The following SLC14A2 variants were observed in gnomAD, a reference collection of about 807,000 sequenced individuals.
SLC14A2 encodes the protein urea transporter 2.
A neutral mutation model predicts 104.6 loss-of-function variants in SLC14A2; 91 were observed. That is an observed-to-expected ratio of 0.87 (90% CI 0.73 to 1.04). The LOEUF is 1.04. SLC14A2 is among the 50% of genes least tolerant of loss of function. The probability of loss-of-function intolerance (pLI) is 0.00; values close to 1 mark genes in which losing one functional copy is unlikely to be tolerated. For synonymous variants in SLC14A2, 476 were observed against 466.4 expected (o/e 1.02, Z -0.27); for missense variants, 1,189 against 1,156.0 (o/e 1.03, Z -0.41).
At chr18:45,285,636 T>A (rs1166233433) in intron 1 of SLC14A2, among the ~76,000 whole-genome samples, 2 of 144,106 alleles carry the variant, frequency 1.4e-5, no homozygotes, top group African/African-American at 5.4e-5. Context: ...CAGGCTGGTC[T>A]CGAACTCCTG....
intron 1 of SLC14A2, among the ~76,000 whole-genome samples, chr18:45,389,691 T>C (rs2085939600): frequency 6.6e-6 from 1 of 152,196 alleles, no homozygotes; most frequent in African/African-American, 2.4e-5. Context: ...CCAGAGGCAA[T>C]ATAGGCTTAG....
intron 1 of SLC14A2, among the ~76,000 whole-genome samples, chr18:45,422,163 C>A (rs1448586145): frequency 1.3e-5 from 2 of 152,114 alleles, no homozygotes; most frequent in African/African-American, 2.4e-5. Flanking sequence ...AGTAGCATGA[C>A]TAATGAGGTG....
chr18:45,398,313 CA>C, intron 1 of SLC14A2, among the ~76,000 whole-genome samples: 1 of 152,190 alleles, frequency 6.6e-6, no homozygotes, highest in East Asian at 1.9e-4. Context: ...CTACCAAAAT[CA>C]AACAATGAAA....
At chr18:45,680,794 G>A (rs928382530) in intron 19 of SLC14A2, among the ~76,000 whole-genome samples, 1 of 152,222 alleles carries the variant, frequency 6.6e-6, no homozygotes, top group Non-Finnish European at 1.5e-5. Context: ...CTGAGATTCG[G>A]TTCTTGGACT....
intron 2 of SLC14A2, among the ~76,000 whole-genome samples, chr18:45,584,254 G>A (rs1360475911): frequency 6.6e-6 from 1 of 152,174 alleles, no homozygotes; most frequent in African/African-American, 2.4e-5. Context: ...TACAACTTCA[G>A]GCAGAAATGG....
intron 2 of SLC14A2, among the ~76,000 whole-genome samples, chr18:45,509,352 C>T (rs1273165983): frequency 6.6e-6 from 1 of 152,000 alleles, no homozygotes; most frequent in Non-Finnish European, 1.5e-5. Flanking sequence ...CTTTCAAATT[C>T]TCCATAAGTT....
chr18:45,517,862 T>C (rs890411732), intron 2 of SLC14A2, among the ~76,000 whole-genome samples: 2 of 152,204 alleles, frequency 1.3e-5, no homozygotes, highest in South Asian at 2.1e-4. Context: ...AGAAGTTCAC[T>C]GGTTATAGAG....
chr18:45,535,913 A>T (rs979676102), intron 2 of SLC14A2, among the ~76,000 whole-genome samples: 1 of 152,188 alleles, frequency 6.6e-6, no homozygotes, highest in Admixed American at 6.5e-5. Flanking sequence ...TGCCCTAAGG[A>T]CATTTAATCA....
chr18:45,228,779 A>C (rs1363815974), intron 1 of SLC14A2, among the ~76,000 whole-genome samples: 1 of 152,120 alleles, frequency 6.6e-6, no homozygotes, highest in Non-Finnish European at 1.5e-5. Context: ...TTCCTTAAGA[A>C]AGCTAATCGT....
chr18:45,236,078 T>C (rs1326587417), intron 1 of SLC14A2, among the ~76,000 whole-genome samples: 1 of 50,898 alleles, frequency 2.0e-5, no homozygotes, highest in South Asian at 5.8e-4. Context: ...TGTATATATG[T>C]GTATATATAC....
intron 1 of SLC14A2, among the ~76,000 whole-genome samples, chr18:45,235,809 GTGTGTATA>G (rs752332860): frequency 3.7e-5 from 4 of 107,692 alleles, no homozygotes; most frequent in Admixed American, 2.0e-4. Context: ...GTGTGTGTGT[GTGTGTATA>G]TATATATATA....
intron 1 of SLC14A2, among the ~76,000 whole-genome samples, chr18:45,478,222 C>T (rs1033234071): frequency 1.5e-4 from 23 of 152,202 alleles, no homozygotes; most frequent in African/African-American, 5.3e-4. Context: ...TCATGGCTTC[C>T]CTTGAATAGA....
chr18:45,677,383 T>G (rs1358350185), intron 18 of SLC14A2, among the ~76,000 whole-genome samples: 2 of 152,162 alleles, frequency 1.3e-5, no homozygotes, highest in Non-Finnish European at 1.5e-5. Flanking sequence ...TTCGGGGGCC[T>G]TGGTAGTGCT....
chr18:45,352,145 T>C (rs1321640066), intron 1 of SLC14A2, among the ~76,000 whole-genome samples: 2 of 152,094 alleles, frequency 1.3e-5, no homozygotes, highest in East Asian at 3.9e-4. Context: ...GTTTTAGGAA[T>C]CTGTAGAAGG....
intron 1 of SLC14A2, among the ~76,000 whole-genome samples, chr18:45,237,290 A>G (rs953883048): frequency 1.3e-5 from 2 of 152,184 alleles, no homozygotes; most frequent in East Asian, 3.9e-4. Context: ...CAAGAGGAAA[A>G]CACTAGACCC....
At chr18:45,536,265 A>G (rs2043780621) in intron 2 of SLC14A2, among the ~76,000 whole-genome samples, 1 of 152,234 alleles carries the variant, frequency 6.6e-6, no homozygotes, top group Non-Finnish European at 1.5e-5. Flanking sequence ...TAAAATGTGT[A>G]TTAATTTCCC....
chr18:45,384,372 T>A (rs2085871374), intron 1 of SLC14A2, among the ~76,000 whole-genome samples: 1 of 152,064 alleles, frequency 6.6e-6, no homozygotes, highest in South Asian at 2.1e-4. Flanking sequence ...ATGAACAAAT[T>A]CTCTTGCTGT....
the SLC14A2 span, among the ~76,000 whole-genome samples, chr18:45,195,185 C>T: frequency 1.2e-4 from 19 of 152,160 alleles, no homozygotes; most frequent in Admixed American, 1.2e-3. Context: ...TCTCAGAAAG[C>T]CCTGAAGGGA....
the SLC14A2 span, among the ~76,000 whole-genome samples, chr18:45,195,864 T>C: frequency 6.6e-6 from 1 of 152,174 alleles, no homozygotes; most frequent in Non-Finnish European, 1.5e-5. Flanking sequence ...AGTAATATAA[T>C]ATTTTTAAAA....
Sources: allele counts gnomAD v4.1 joint callset (sites outside exome capture counted in the v4.1 genomes callset), GRCh38; gene constraint gnomAD v4.1.1; transcripts MANE v1.5; gene names NCBI Gene and HGNC (gene_info 2026-07-23, HGNC 2026-07-21).